The following SMARCAL1 variants were observed in gnomAD, a reference collection of about 807,000 sequenced individuals.
The protein encoded by SMARCAL1 is ATP-driven annealing helicase.
In SMARCAL1, 58 loss-of-function variants were observed where a neutral mutation model predicts 94.5. That is an observed-to-expected ratio of 0.61 (90% CI 0.50 to 0.76). The LOEUF (loss-of-function observed/expected upper bound fraction) is 0.76. Among genes scored for constraint, SMARCAL1 ranks in the 30% least tolerant of loss-of-function variants. The pLI is 0.00. For missense variants in SMARCAL1, 1,051 were observed against 1,177.9 expected, an observed-to-expected ratio of 0.89 and a Z score of 1.58; for synonymous variants, 422 against 455.1, an observed-to-expected ratio of 0.93 and a Z score of 0.93.
intron 6 of SMARCAL1, among the ~76,000 whole-genome samples, chr2:216,426,717 AG>A (rs1693840875): frequency 6.6e-6 from 1 of 152,226 alleles, no homozygotes; most frequent in African/African-American, 2.4e-5. Flanking sequence ...AGCTAAACTA[AG>A]AAGCTGGGAG....
chr2:216,423,771 TCTC>T (rs1430510178), intron 6 of SMARCAL1, 88 bp downstream of exon 6: 5 of 1,207,656 alleles, frequency 4.1e-6, no homozygotes, highest in Non-Finnish European at 2.5e-6. Context: ...TGAAGAATCT[TCTC>T]CTCCCTTTGC....
chr2:216,414,218 C>G (rs1574442386), intron 2 of SMARCAL1: 1 of 155,164 alleles, frequency 6.4e-6, no homozygotes, highest in East Asian at 1.9e-4. Context: ...AGTGCGGTGG[C>G]ACGATCTTGG....
At position 216,469,760 on chromosome 2, in the gene SMARCAL1, A is replaced by G. The variant is rs776365138; in HGVS notation, c.2244+1714A>G. ...GAGGCATATTCAGGCATGCTCTTGC[A>G]TGGTTATTAAATAGGTTCATCTTCA... On this transcript the variant is annotated intron_variant, in intron 14 of 17. Transcript: ENST00000357276. Among the ~76,000 whole-genome samples the G allele has an allele frequency of 2.0e-4, 31 of 152,252 alleles. 1 individual carries two copies. Among genetic ancestry groups the G allele is most frequent in the African/African-American group, 7.0e-4 (29 of 41,540 alleles).
chr2:216,467,743 C>T (rs549277851), intron 13 of SMARCAL1, among the ~76,000 whole-genome samples: 1 of 152,030 alleles, frequency 6.6e-6, no homozygotes, highest in African/African-American at 2.4e-5. Context: ...TCCTTAGTCC[C>T]CTCCCTAAAT....
chr2:216,439,835 G>T (rs1057007287), intron 10 of SMARCAL1, among the ~76,000 whole-genome samples: 12 of 152,204 alleles, frequency 7.9e-5, no homozygotes, highest in African/African-American at 2.7e-4. Flanking sequence ...GCCGAGGCAT[G>T]TGGGTCACTT....
intron 10 of SMARCAL1, chr2:216,446,758 T>G: frequency 1.6e-6 from 1 of 613,938 alleles, no homozygotes; most frequent in Admixed American, 2.1e-5. Flanking sequence ...AGGCTTGCAG[T>G]CTAACAAGGG....
intron 10 of SMARCAL1, among the ~76,000 whole-genome samples, chr2:216,439,077 T>C (rs1291946288): frequency 6.6e-6 from 1 of 152,156 alleles, no homozygotes; most frequent in African/African-American, 2.4e-5. Context: ...TGAGCCTCTT[T>C]GGTTGACAGA....
At chr2:216,452,803 T>C (rs1174716755) in intron 12 of SMARCAL1, among the ~76,000 whole-genome samples, 2 of 152,226 alleles carry the variant, frequency 1.3e-5, no homozygotes, top group African/African-American at 2.4e-5. Context: ...CCAACTTGTA[T>C]AGTTCTTCAA....
At chr2:216,476,155 T>C (rs1195675419) in intron 15 of SMARCAL1, among the ~76,000 whole-genome samples, 1 of 152,190 alleles carries the variant, frequency 6.6e-6, no homozygotes, top group African/African-American at 2.4e-5. Flanking sequence ...TAAATTTTTC[T>C]GGTAATCTCC....
intron 6 of SMARCAL1, among the ~76,000 whole-genome samples, chr2:216,424,384 TAAC>T (rs1192296984): frequency 6.6e-6 from 1 of 152,248 alleles, no homozygotes; most frequent in African/African-American, 2.4e-5. Context: ...TATCTGGCTG[TAAC>T]AATTCTGCAT....
chr2:216,461,102 G>A (rs1694690992), intron 12 of SMARCAL1, among the ~76,000 whole-genome samples: 1 of 151,706 alleles, frequency 6.6e-6, no homozygotes, highest in Non-Finnish European at 1.5e-5. Context: ...ATGTGTGTGT[G>A]TATGTGTATA....
intron 7 of SMARCAL1, among the ~76,000 whole-genome samples, chr2:216,431,556 T>C (rs904761292): frequency 2.0e-5 from 3 of 152,230 alleles, no homozygotes; most frequent in Non-Finnish European, 4.4e-5. Flanking sequence ...ACTTATGATG[T>C]TGCCAACCAC....
At chr2:216,428,017 G>T (rs1693875109) in intron 6 of SMARCAL1, among the ~76,000 whole-genome samples, 1 of 152,224 alleles carries the variant, frequency 6.6e-6, no homozygotes, top group South Asian at 2.1e-4. Flanking sequence ...GACTCCCAGA[G>T]TGCCCTTGAA....
At chr2:216,477,475 A>G (rs1574485562) in intron 16 of SMARCAL1, among the ~76,000 whole-genome samples, 1 of 152,122 alleles carries the variant, frequency 6.6e-6, no homozygotes, top group Non-Finnish European at 1.5e-5. Flanking sequence ...TGAGGCAGGG[A>G]GAAGTGCTGA....
chr2:216,436,670 G>A (rs1394303993), intron 9 of SMARCAL1, among the ~76,000 whole-genome samples: 4 of 152,218 alleles, frequency 2.6e-5, no homozygotes, highest in Non-Finnish European at 5.9e-5. Flanking sequence ...CATGTGAAAT[G>A]AAAACATTCC....
chr2:216,430,880 T>C (rs1693946858), intron 7 of SMARCAL1, among the ~76,000 whole-genome samples: 2 of 152,216 alleles, frequency 1.3e-5, no homozygotes, highest in Admixed American at 1.3e-4. Context: ...TTTTCACACC[T>C]GCCCTCCCCC....
chr2:216,415,285 C>G lies in SMARCAL1; in HGVS notation c.581C>G (p.Thr194Arg), dbSNP rs1002105105. ...PPRDAKLEAK[T>R]AKASPSGQNI... is the part of the protein sequence containing the mutation. ...AGGGATGCTAAGTTAGAGGCCAAGA[C>G]AGCAAAAGCCTCCCCTTCGGGGCAG... is the stretch of plus-strand genomic sequence containing the variant. The change falls in exon 3 of 18, where the codon ACA becomes AGA. Residue 194 changes from threonine to arginine, a missense_variant. Transcript: ENST00000357276. 6 of 1,614,138 alleles carry G rather than the reference C, an allele frequency of 3.7e-6. No individual in the cohort carries two copies. The highest frequency in any genetic ancestry group is 3.3e-5 in the Admixed American group (2 of 60,016).
At chr2:216,456,991 G>A (rs1694580830) in intron 12 of SMARCAL1, among the ~76,000 whole-genome samples, 1 of 152,172 alleles carries the variant, frequency 6.6e-6, no homozygotes, top group Non-Finnish European at 1.5e-5. Context: ...TAAAGGGATG[G>A]AGGAAGATCT....
At chr2:216,413,132 T>C (rs1473911817) in intron 1 of SMARCAL1, among the ~76,000 whole-genome samples, 7 of 98,272 alleles carry the variant, frequency 7.1e-5, no homozygotes, top group South Asian at 3.7e-4. Context: ...TCTCTGGGGA[T>C]AGATACTTCG....
Sources: gnomAD v4.1 joint callset for allele counts (sites outside exome capture counted in the v4.1 genomes callset) on GRCh38, gnomAD v4.1.1 for gene constraint, MANE v1.5 for transcripts, NCBI Gene and HGNC (gene_info 2026-07-23, HGNC 2026-07-21) for gene names.